Variants in SEZ6L2 observed in about 807,000 individuals in gnomAD.
SEZ6L2 encodes seizure related 6 homolog like 2, also known as seizure 6-like protein 2.
Under a neutral mutation model 97.0 loss-of-function variants are expected in SEZ6L2, and 44 were observed. That is an observed-to-expected ratio of 0.45 (90% confidence interval 0.36 to 0.58). SEZ6L2 has a LOEUF of 0.58. Among genes scored for constraint, SEZ6L2 ranks in the 20% least tolerant of loss-of-function variants. SEZ6L2 has a pLI of 0.00. For synonymous variants in SEZ6L2, 543 were observed against 546.1 expected, an observed-to-expected ratio of 0.99 and a Z score of 0.08; for missense variants, 1,086 against 1,233.3, an observed-to-expected ratio of 0.88 and a Z score of 1.79.
At chr16:29,885,547 T>C in intron 8 of SEZ6L2, 39 bp downstream of exon 8, 2 of 1,594,770 alleles carry the variant, frequency 1.3e-6, no homozygotes, top group Non-Finnish European at 1.7e-6. Context: ...GAGGGGAAGG[T>C]GTGGCGGTTG....
chr16:29,873,376 C>G lies in SEZ6L2; in HGVS notation c.2352G>C (p.Leu784=), dbSNP rs1282405938. The G allele has an allele frequency of 1.2e-6, 2 of 1,614,256 alleles. No individual in the cohort carries two copies. The highest frequency in any genetic ancestry group is 1.7e-6 in the Non-Finnish European group (2 of 1,180,042). The stretch of plus-strand genomic sequence containing the variant: ...CGCCCGCCTGGTAGTGGTGCTTGTA[C>G]AGCGTCTGGTAGCCATTCTCGGGAA... The part of the protein sequence containing the change: ...PGVPENGYQT[L]YKHHYQAGES... Residue 784 remains leucine, a synonymous_variant, in exon 14 of 18, where the codon CTG becomes CTC. Coordinates refer to ENST00000617533, the MANE Select transcript of SEZ6L2 (RefSeq NM_001243332.2). This position sits in a 1 kb window ranked among gnomAD's most constrained non-coding sequence, Gnocchi z 4.3.
chr16:29,888,446 TC>T, intron 6 of SEZ6L2, 93 bp downstream of exon 6: 1 of 1,366,414 alleles, frequency 7.3e-7, no homozygotes. Context: ...GAATGGGTTT[TC>T]CCCAAAGGTG....
chr16:29,895,620 C>G, intron 4 of SEZ6L2, 101 bp downstream of exon 4: 1 of 1,462,732 alleles, frequency 6.8e-7, no homozygotes, highest in Non-Finnish European at 9.2e-7. Context: ...TCACCTGAGT[C>G]ATCAGACAGG....
chr16:29,895,274 T>C lies in SEZ6L2; in HGVS notation c.838A>G (p.Arg280Gly), dbSNP rs1268040925. 1 of 1,613,200 alleles carries C rather than the reference T, an allele frequency of 6.2e-7. No homozygotes were observed. Among genetic ancestry groups the C allele is most frequent in the Non-Finnish European group, 8.5e-7 (1 of 1,179,690 alleles). Residue 280 changes from arginine (R) to glycine (G), a missense_variant, in exon 5 of 18, where the codon AGG (arginine) becomes GGG (glycine). Coordinates refer to ENST00000617533, the MANE Select transcript of SEZ6L2 (RefSeq NM_001243332.2). ...AACTCCTCACCCTGATAGTGGATCC[T>C]GAAGCCACCGCCCCTTGGGACCCGT... ...SPRVPRGGGF[R>G]IHYQAYLLSC...
intron 4 of SEZ6L2, 97 bp downstream of exon 4, chr16:29,895,624 A>AGACAGGT: frequency 1.4e-6 from 2 of 1,472,108 alleles, no homozygotes; most frequent in African/African-American, 2.8e-5. Flanking sequence ...CTGAGTCATC[A>AGACAGGT]GACAGGTTCT....
chr16:29,892,802 A>T (rs1375232454), intron 5 of SEZ6L2, among the ~76,000 whole-genome samples: 2 of 152,234 alleles, frequency 1.3e-5, no homozygotes, highest in Non-Finnish European at 2.9e-5. Flanking sequence ...GGTCTGGAAC[A>T]GGGCACTGGC....
chr16:29,878,796 G>A (rs1476460667), intron 9 of SEZ6L2, among the ~76,000 whole-genome samples: 1 of 146,882 alleles, frequency 6.8e-6, no homozygotes, highest in Non-Finnish European at 1.5e-5. Flanking sequence ...TAGTAGAGAC[G>A]GGGTTTTACG....
intron 4 of SEZ6L2, 98 bp downstream of exon 4, chr16:29,895,623 C>T: frequency 6.8e-7 from 1 of 1,469,262 alleles, no homozygotes; most frequent in Non-Finnish European, 9.2e-7. Flanking sequence ...CCTGAGTCAT[C>T]AGACAGGTTC....
At chr16:29,871,757 T>C in intron 17 of SEZ6L2, 29 bp from the exon 18 acceptor site, 1 of 1,601,304 alleles carries the variant, frequency 6.2e-7, no homozygotes, top group South Asian at 1.1e-5. Context: ...GGTCAGTTGT[T>C]GGAGTCTGAT....
intron 7 of SEZ6L2, among the ~76,000 whole-genome samples, chr16:29,887,412 T>G (rs1324703169): frequency 6.7e-6 from 1 of 149,676 alleles, no homozygotes; most frequent in Non-Finnish European, 1.5e-5. Flanking sequence ...GCCATTCTCC[T>G]GCCTCAGCCT....
chr16:29,891,380 T>C (rs2068269118), intron 5 of SEZ6L2, among the ~76,000 whole-genome samples: 1 of 150,438 alleles, frequency 6.6e-6, no homozygotes, highest in Admixed American at 6.6e-5. Context: ...CTGTCTACAC[T>C]GGCCCAAGCC....
intron 11 of SEZ6L2, 139 bp downstream of exon 11, chr16:29,877,132 C>A (rs763258914): frequency 5.3e-4 from 597 of 1,119,222 alleles, no homozygotes; most frequent in Middle Eastern, 8.9e-4. Flanking sequence ...GCAGCCTCAA[C>A]CTCCTGGCTT....
In SEZ6L2 at chr16:29,887,105, C is replaced by T. The variant is rs1161718493; in HGVS notation, c.1208+544G>A. 8.1e-5 allele frequency among the ~76,000 whole-genome samples: 12 copies of T among 149,068 alleles called. No individual in the cohort carries two copies. The East Asian group carries it at 2.3e-3, about 28-fold the overall frequency. On this transcript the variant is annotated intron_variant, in intron 7 of 17. Coordinates refer to ENST00000617533, the MANE Select transcript of SEZ6L2 (RefSeq NM_001243332.2). The stretch of plus-strand genomic sequence containing the variant: ...CTGAGGCAGGAGAATCACTTGAACC[C>T]GGGAGGCAGAGGTTGCGGTAAGCCA...
rs2067829655 is a variant in SEZ6L2 at position 29,873,412 on chromosome 16, C to T, written c.2316G>A (p.Leu772=). 6.2e-7 allele frequency: 1 copy of T among 1,614,244 alleles called. No individual in the cohort carries two copies. Among genetic ancestry groups the T allele is most frequent in the African/African-American group, 1.3e-5 (1 of 75,082 alleles). ...AGCCATTCTCGGGAACCCCCGGGTT[C>T]AGGCACGGCTCGTACTTCACTGCGG... is the stretch of plus-strand genomic sequence containing the variant. ...PKCALKYEPC[L]NPGVPENGYQ... Residue 772 remains leucine (L), a synonymous_variant, in exon 14 of 18, where the codon CTG becomes CTA. Coordinates refer to ENST00000617533, the MANE Select transcript of SEZ6L2 (RefSeq NM_001243332.2). This position sits in a 1 kb window ranked among gnomAD's most constrained non-coding sequence, Gnocchi z 4.3.
In SEZ6L2 at chr16:29,873,888, C is replaced by T. The variant is rs555041075; in HGVS notation, c.2105-159G>A. Among the ~76,000 whole-genome samples, 1 of 152,060 alleles carries T rather than the reference C, an allele frequency of 6.6e-6. No homozygotes were observed. Among genetic ancestry groups the T allele is most frequent in the African/African-American group, 2.4e-5 (1 of 41,390 alleles). On this transcript the variant is annotated intron_variant, in intron 12 of 17. Transcript: ENST00000617533. This position sits in a 1 kb window ranked among gnomAD's most constrained non-coding sequence, Gnocchi z 4.3. ...ACTCAGGAGTTGGAGGCGGGATGATCGCTCGAACCCAGCAGGTCGAGGCTG... is the reference window on the plus strand; with the variant it reads ...ACTCAGGAGTTGGAGGCGGGATGATTGCTCGAACCCAGCAGGTCGAGGCTG...
In SEZ6L2 at chr16:29,872,274, T is replaced by C; in HGVS notation, c.2655A>G (p.Gly885=). ...AGCCCGAGAAGCCGAAAAGGGACTT[T>C]CCCTGAAGCCTGGGAAAGGGAGAGG... The part of the protein sequence containing the change: ...GVYIYYTKLQ[G]KSLFGFSGSH... Residue 885 remains glycine (G), a synonymous_variant, in exon 17 of 18, where the codon GGA becomes GGG. Coordinates refer to ENST00000617533, the MANE Select transcript of SEZ6L2 (RefSeq NM_001243332.2). 1 of 1,611,566 alleles carries C rather than the reference T, an allele frequency of 6.2e-7. No individual in the cohort carries two copies. The highest frequency in any genetic ancestry group is 8.5e-7 in the Non-Finnish European group (1 of 1,178,730).
chr16:29,898,351 C>T lies in SEZ6L2; in HGVS notation c.80-367G>A, dbSNP rs79606583. On this transcript the variant is annotated intron_variant, in intron 1 of 17. Transcript: ENST00000617533. ...TGGGGCTCTGCAGAGGATCTGGCCG[C>T]ACCTCCCAGCCCTTGCTTCCGCAGT... 1.5e-4 allele frequency among the ~76,000 whole-genome samples: 23 copies of T among 152,290 alleles called. No homozygotes were observed. The East Asian group carries it at 4.2e-3, about 28-fold the overall frequency.
chr16:29,886,876 A>G (rs2068152715), intron 7 of SEZ6L2, among the ~76,000 whole-genome samples: 1 of 152,098 alleles, frequency 6.6e-6, no homozygotes, highest in Non-Finnish European at 1.5e-5. Flanking sequence ...TCACAGCTAC[A>G]CTTCCTAAGA....
intron 5 of SEZ6L2, among the ~76,000 whole-genome samples, chr16:29,894,230 G>A (rs1333481616): frequency 2.6e-5 from 4 of 152,182 alleles, no homozygotes; most frequent in Non-Finnish European, 4.4e-5. Context: ...ATAATACTAA[G>A]TATTGTGATC....
Sources: allele counts gnomAD v4.1 joint callset (sites outside exome capture counted in the v4.1 genomes callset), GRCh38; gene constraint gnomAD v4.1.1; non-coding constraint Gnocchi (gnomAD v3.1); transcripts MANE v1.5; gene names NCBI Gene and HGNC (gene_info 2026-07-23, HGNC 2026-07-21).